The following TIPRL variants were observed in gnomAD, a reference collection of about 807,000 sequenced individuals.
TIPRL encodes the protein TOR signaling pathway regulator, also known as TIP41-like protein.
Under a neutral mutation model 32.3 loss-of-function variants are expected in TIPRL, and 10 were observed. The ratio of observed to expected loss-of-function variants is 0.31; its 90% CI spans 0.19 to 0.52. The LOEUF is 0.52. Ranked by LOEUF, TIPRL falls within the 20% of genes least tolerant of loss-of-function variation. The probability of loss-of-function intolerance (pLI) is 0.96; values close to 1 mark genes in which losing one functional copy is unlikely to be tolerated. For synonymous variants in TIPRL, 100 were observed against 114.0 expected (o/e 0.88, Z 0.78); for missense variants, 250 against 328.1 (o/e 0.76, Z 1.84).
At chr1:168,199,733 A>G (rs1404826483) in intron 6 of TIPRL, among the ~76,000 whole-genome samples, 170 bp from the exon 7 acceptor site, 2 of 152,222 alleles carry the variant, frequency 1.3e-5, no homozygotes, top group Non-Finnish European at 2.9e-5. Context: ...ATTCAGTAAC[A>G]AAGTTGAATG....
chr1:168,199,440 T>G (rs761287366), intron 6 of TIPRL, among the ~76,000 whole-genome samples: 7 of 152,178 alleles, frequency 4.6e-5, no homozygotes, highest in African/African-American at 7.2e-5. Flanking sequence ...CCTTAGAACT[T>G]AGGATTCTAT....
intron 1 of TIPRL, among the ~76,000 whole-genome samples, chr1:168,180,506 G>A (rs1320616665): frequency 6.6e-6 from 1 of 152,138 alleles, no homozygotes; most frequent in East Asian, 1.9e-4. Context: ...CTTATATTTG[G>A]TACCTGGAGC....
chr1:168,195,511 G>T (rs543248339), intron 4 of TIPRL, among the ~76,000 whole-genome samples: 1 of 152,174 alleles, frequency 6.6e-6, no homozygotes, highest in Non-Finnish European at 1.5e-5. Flanking sequence ...ACTTACTATA[G>T]TAAGAACTTG....
At position 168,191,488 on chromosome 1, in the gene TIPRL, G is replaced by A; in HGVS notation, c.504G>A (p.Leu168=). 1 of 1,500,032 alleles carries A rather than the reference G, an allele frequency of 6.7e-7. No homozygotes were observed. Among genetic ancestry groups the A allele is most frequent in the Non-Finnish European group, 8.8e-7 (1 of 1,133,412 alleles). The allele number at this position is 1,500,032 out of a possible 1,614,324, so 92.9% of individuals were successfully genotyped here. A position where few individuals can be genotyped will look rare whatever the true frequency, so the allele number is the denominator to read the frequency against. Residue 168 remains leucine (L), a synonymous_variant, in exon 4 of 7, where the codon CTG becomes CTA. Transcript: ENST00000367833. ...DELHDHGVSS[L]SVKIRVMPSS... is the part of the protein sequence containing the mutation. Reference sequence around the variant, plus strand: ...TTCATGATCATGGAGTTTCAAGCCTGAGTGTGAAGATTGTGAGTATTATTT... The same window carrying A: ...TTCATGATCATGGAGTTTCAAGCCTAAGTGTGAAGATTGTGAGTATTATTT...
Position 168,189,387 on chromosome 1 carries a change from C to T in TIPRL, c.385-1982C>T, listed in dbSNP as rs980401224. 2.0e-5 allele frequency among the ~76,000 whole-genome samples: 3 copies of T among 152,094 alleles called. No individual in the cohort carries two copies. In the East Asian group the frequency reaches 5.8e-4, roughly 29 times the overall value. ...TGAGATAGAGTTTCATTCTTGTCGC[C>T]CAGGCTGGAGTGCAATGGTGTGATC... is the stretch of plus-strand genomic sequence containing the variant. On this transcript the variant is annotated intron_variant, in intron 3 of 6. Transcript: ENST00000367833.
At chr1:168,196,785 CT>C in intron 5 of TIPRL, 143 bp downstream of exon 5, 1 of 469,738 alleles carries the variant, frequency 2.1e-6, no homozygotes, top group Non-Finnish European at 3.6e-6. Context: ...TTCACATTCA[CT>C]GTTGACTGCA....
At chr1:168,184,449 A>G (rs1374337582) in intron 2 of TIPRL, among the ~76,000 whole-genome samples, 1 of 152,222 alleles carries the variant, frequency 6.6e-6, no homozygotes, top group African/African-American at 2.4e-5. Context: ...TGAAATTAAG[A>G]CAACATGTTT....
At chr1:168,179,832 G>T (rs562877761) in intron 1 of TIPRL, among the ~76,000 whole-genome samples, 1 of 152,152 alleles carries the variant, frequency 6.6e-6, no homozygotes, top group Non-Finnish European at 1.5e-5. Flanking sequence ...TGATGCCTGG[G>T]CTGAATCTTG....
rs1300342203 is a variant in TIPRL, at chr1:168,200,896, A to C, written c.*850A>C. On this transcript the variant is annotated 3_prime_UTR_variant, in exon 7 of 7. Coordinates refer to ENST00000367833, the MANE Select transcript of TIPRL (RefSeq NM_152902.5). ...AGGGGTTGTTTTTCGCAAATATTAC[A>C]TCAATCCTTAAAGCAACAAGATTAA... is the stretch of plus-strand genomic sequence containing the variant. The C allele has an allele frequency of 6.6e-6, 1 of 152,200 alleles. No individual in the cohort carries two copies. The highest frequency in any genetic ancestry group is 1.5e-5 in the Non-Finnish European group (1 of 68,026). 9.4% of individuals were successfully genotyped at this position (152,200 alleles called of 1,614,324 possible).
chr1:168,196,638 A>G lies in TIPRL; in HGVS notation c.608A>G (p.His203Arg). 6.3e-7 allele frequency: 1 copy of G among 1,591,592 alleles called. No homozygotes were observed. Among genetic ancestry groups the G allele is most frequent in the Non-Finnish European group, 8.6e-7 (1 of 1,169,526 alleles). Residue 203 changes from histidine to arginine, a missense_variant, in exon 5 of 7, where the codon CAT (histidine) becomes CGT (arginine). By Grantham distance (29) the His-to-Arg change is conservative. Coordinates refer to ENST00000367833, the MANE Select transcript of TIPRL (RefSeq NM_152902.5). ...LIRMNDTRLY[H>R]EADKTYMLRE... is the part of the protein sequence containing the mutation. Reference sequence around the variant, plus strand: ...AGAATGAATGACACGAGACTTTACCATGAGGTATTTATTGTTGTTTAATGA... The same window carrying G: ...AGAATGAATGACACGAGACTTTACCGTGAGGTATTTATTGTTGTTTAATGA...
chr1:168,194,626 CAT>C lies in TIPRL; in HGVS notation c.517-1920_517-1919del, dbSNP rs551355743. ...TGATGTGCTTCTCAATTTGTTGTGACATCAAGTTGTCATAAGTCAGGTTATTT... is the reference window on the plus strand; with the variant it reads ...TGATGTGCTTCTCAATTTGTTGTGACCAAGTTGTCATAAGTCAGGTTATTT... On this transcript the variant is annotated intron_variant, in intron 4 of 6. Transcript: ENST00000367833. Among the ~76,000 whole-genome samples the C allele has an allele frequency of 5.7e-3, 873 of 152,334 alleles. 4 individuals carry two copies. The highest frequency in any genetic ancestry group is 0.019 in the African/African-American group (791 of 41,576).
chr1:168,193,762 A>G (rs180759975), intron 4 of TIPRL, among the ~76,000 whole-genome samples: 1 of 152,352 alleles, frequency 6.6e-6, no homozygotes, highest in East Asian at 1.9e-4. Flanking sequence ...GTATTAGTTC[A>G]TAGATATTAC....
chr1:168,198,494 G>A (rs1700180433), intron 5 of TIPRL, among the ~76,000 whole-genome samples: 2 of 152,040 alleles, frequency 1.3e-5, no homozygotes, highest in South Asian at 4.1e-4. Context: ...AAATTTTAAA[G>A]CATGTTTTGC....
chr1:168,182,620 C>T (rs1028356486), intron 1 of TIPRL, among the ~76,000 whole-genome samples: 4 of 151,248 alleles, frequency 2.6e-5, no homozygotes, highest in Admixed American at 6.6e-5. Flanking sequence ...AGCGAGACTC[C>T]GTCTCAAAAA....
chr1:168,194,836 TGTG>T (rs1700135576), intron 4 of TIPRL, among the ~76,000 whole-genome samples: 1 of 152,178 alleles, frequency 6.6e-6, no homozygotes, highest in South Asian at 2.1e-4. Flanking sequence ...GCAATAGAGA[TGTG>T]GTGATGAACA....
chr1:168,185,787 A>G (rs1456319812), intron 3 of TIPRL, among the ~76,000 whole-genome samples: 1 of 133,410 alleles, frequency 7.5e-6, no homozygotes, highest in Admixed American at 7.6e-5. Flanking sequence ...AAAAAAAAGA[A>G]GAGATTCGGC....
chr1:168,183,790 A>C (rs1699995137), intron 1 of TIPRL, 112 bp from the exon 2 acceptor site: 1 of 1,090,606 alleles, frequency 9.2e-7, no homozygotes, highest in Non-Finnish European at 1.3e-6. Context: ...TGATTAAATC[A>C]TGTGCTGTGT....
At chr1:168,198,883 A>G in intron 5 of TIPRL, 36 bp from the exon 6 acceptor site, 1 of 1,562,722 alleles carries the variant, frequency 6.4e-7, no homozygotes. Flanking sequence ...AATCAGTATA[A>G]TTAAATTTAT....
At chr1:168,191,722 G>C (rs1163482689) in intron 4 of TIPRL, among the ~76,000 whole-genome samples, 1 of 151,646 alleles carries the variant, frequency 6.6e-6, no homozygotes, top group Non-Finnish European at 1.5e-5. Flanking sequence ...AACACAAAAA[G>C]TTAGCTGGGC....
Sources: gnomAD v4.1 joint callset for allele counts (sites outside exome capture counted in the v4.1 genomes callset) on GRCh38, gnomAD v4.1.1 for gene constraint, MANE v1.5 for transcripts, NCBI Gene and HGNC (gene_info 2026-07-23, HGNC 2026-07-21) for gene names.